The following ANO10 variants were observed in gnomAD, a reference collection of about 807,000 sequenced individuals.
ANO10 encodes the protein anoctamin 10, also known as anoctamin-10.
A neutral mutation model predicts 74.7 loss-of-function variants in ANO10; 77 were observed. The observed-to-expected ratio is 1.03, with a 90% CI of 0.86 to 1.25. The LOEUF (loss-of-function observed/expected upper bound fraction) is 1.25. ANO10 is among the 50% of genes most tolerant of loss of function. The probability of loss-of-function intolerance (pLI) is 0.00; values close to 1 mark genes in which losing one functional copy is unlikely to be tolerated. For missense variants in ANO10, 721 were observed against 778.1 expected (o/e 0.93, Z 0.87); for synonymous variants, 279 against 284.9 (o/e 0.98, Z 0.21).
intron 1 of ANO10, among the ~76,000 whole-genome samples, chr3:43,641,086 T>C (rs1418005542): frequency 2.0e-5 from 3 of 152,212 alleles, no homozygotes; most frequent in African/African-American, 7.2e-5. Flanking sequence ...AAAATAATTA[T>C]TGGAACTAAG....
At chr3:43,391,080 C>A (rs2092262508) in intron 12 of ANO10, among the ~76,000 whole-genome samples, 1 of 152,220 alleles carries the variant, frequency 6.6e-6, no homozygotes, top group Non-Finnish European at 1.5e-5. Context: ...ACTCTCTCTG[C>A]AGCATGTTTT....
At chr3:43,688,524 T>C (rs1222912442) in intron 1 of ANO10, among the ~76,000 whole-genome samples, 1 of 152,218 alleles carries the variant, frequency 6.6e-6, no homozygotes, top group Non-Finnish European at 1.5e-5. Context: ...TATAAGAGCA[T>C]GTGACAGGCT....
Position 43,643,678 on chromosome 3 carries a change from C to CTTTT in ANO10, c.-11-37819_-11-37816dup, listed in dbSNP as rs1310556861. On this transcript the variant is annotated intron_variant, in intron 1 of 3. Transcript: ENST00000413397. The stretch of plus-strand genomic sequence containing the variant: ...AAGCTTTTCATGTACTTGTCCTCAT[C>CTTTT]TTTTCTTTTTTTTTTTTTTTTTTTA... Among the ~76,000 whole-genome samples, 52 of 133,608 alleles carry CTTTT rather than the reference C, an allele frequency of 3.9e-4. 3 individuals carry two copies. The highest frequency in any genetic ancestry group is 1.5e-3 in the African/African-American group (49 of 32,112). 87.7% of individuals were successfully genotyped at this position (133,608 alleles called of 152,430 possible).
At chr3:43,521,976 T>C (rs1228908367) in intron 11 of ANO10, among the ~76,000 whole-genome samples, 3 of 152,192 alleles carry the variant, frequency 2.0e-5, no homozygotes. Context: ...AGGAATGAGG[T>C]TCTGATACAT....
intron 11 of ANO10, among the ~76,000 whole-genome samples, chr3:43,495,089 A>G (rs1021042450): frequency 6.6e-6 from 1 of 152,144 alleles, no homozygotes; most frequent in African/African-American, 2.4e-5. Context: ...TCAGTGAAAT[A>G]GAAGAGAATC....
chr3:43,571,280 C>T (rs1423018132), intron 7 of ANO10, among the ~76,000 whole-genome samples: 10 of 152,100 alleles, frequency 6.6e-5, no homozygotes, highest in Admixed American at 4.6e-4. Flanking sequence ...AGTGTGGCGA[C>T]TCCTCAGGGA....
intron 1 of ANO10, among the ~76,000 whole-genome samples, chr3:43,656,179 A>G (rs2083848703): frequency 6.6e-6 from 1 of 151,142 alleles, no homozygotes; most frequent in Non-Finnish European, 1.5e-5. Context: ...CCTCCCCACC[A>G]GAGCAGCTAG....
intron 9 of ANO10, among the ~76,000 whole-genome samples, chr3:43,557,446 T>G (rs2079804984): frequency 6.6e-6 from 1 of 152,036 alleles, no homozygotes; most frequent in South Asian, 2.1e-4. Flanking sequence ...ATTAAAGACA[T>G]TTTGTTTGGC....
At chr3:43,597,222 G>T (rs1559760118) in intron 4 of ANO10, among the ~76,000 whole-genome samples, 1 of 152,132 alleles carries the variant, frequency 6.6e-6, no homozygotes, top group Non-Finnish European at 1.5e-5. Context: ...CAAGGATCTA[G>T]AACTAGAAAT....
intron 11 of ANO10, among the ~76,000 whole-genome samples, chr3:43,484,642 C>G (rs1185993577): frequency 1.3e-5 from 2 of 152,112 alleles, no homozygotes; most frequent in African/African-American, 4.8e-5. Context: ...TTTTATCAGT[C>G]TAATAATCTC....
At chr3:43,449,515 CTTT>C (rs61265406) in intron 11 of ANO10, among the ~76,000 whole-genome samples, 17 of 107,122 alleles carry the variant, frequency 1.6e-4, no homozygotes, top group African/African-American at 5.8e-4. Context: ...TATCTAGATT[CTTT>C]TTTTTTTTTT....
chr3:43,484,585 TTGGAATTTGCTATC>T (rs1258583232), intron 11 of ANO10, among the ~76,000 whole-genome samples: 1 of 152,184 alleles, frequency 6.6e-6, no homozygotes, highest in Non-Finnish European at 1.5e-5. Flanking sequence ...CAGAATCAGT[TTGGAATTTGCTATC>T]TTATGTGCCA....
At chr3:43,581,757 C>CA (rs2081270098) in intron 4 of ANO10, among the ~76,000 whole-genome samples, 1 of 146,650 alleles carries the variant, frequency 6.8e-6, no homozygotes, top group Non-Finnish European at 1.5e-5. Context: ...TCCATCTCTA[C>CA]AAAAAATTTA....
At position 43,560,438 on chromosome 3, in the gene ANO10, G is replaced by A. The variant is rs572527909; in HGVS notation, c.1476+782C>T. On this transcript the variant is annotated intron_variant, in intron 9 of 12. Transcript: ENST00000292246. ...GTCAGTCAAGACACTCAAAAATCAGGAGATAAACTCATTCAAGATGAAAAA... is the reference window on the plus strand; with the variant it reads ...GTCAGTCAAGACACTCAAAAATCAGAAGATAAACTCATTCAAGATGAAAAA... Among the ~76,000 whole-genome samples the A allele has an allele frequency of 9.9e-5, 15 of 152,274 alleles. No individual in the cohort carries two copies. In the East Asian group the frequency reaches 1.4e-3, roughly 14 times the overall value.
At chr3:43,607,107 T>C (rs1462189148) in intron 1 of ANO10, among the ~76,000 whole-genome samples, 2 of 152,090 alleles carry the variant, frequency 1.3e-5, no homozygotes, top group Non-Finnish European at 2.9e-5. Flanking sequence ...TAAATGCAAA[T>C]ATTCCAAAAT....
At chr3:43,534,895 C>A (rs1159896847) in intron 11 of ANO10, among the ~76,000 whole-genome samples, 2 of 152,122 alleles carry the variant, frequency 1.3e-5, no homozygotes, top group African/African-American at 4.8e-5. Flanking sequence ...CAAGAGATGA[C>A]TTGTACCAGA....
rs556162280 is a variant in ANO10, at chr3:43,413,787, G to A, written c.1914+18824C>T. Among the ~76,000 whole-genome samples, 18 of 151,274 alleles carry A rather than the reference G, an allele frequency of 1.2e-4. 1 individual carries two copies. Among genetic ancestry groups the A allele is most frequent in the Admixed American group, 2.0e-4 (3 of 15,156 alleles). On this transcript the variant is annotated intron_variant, in intron 12 of 12. Transcript: ENST00000292246. Reference sequence around the variant, plus strand: ...ACAAATTGACTGCACGGCTGAATCCGTAACAGGATCTGGATTAGATCTATT... The same window carrying A: ...ACAAATTGACTGCACGGCTGAATCCATAACAGGATCTGGATTAGATCTATT...
chr3:43,605,806 G>T lies in ANO10; in HGVS notation c.47C>A (p.Thr16Lys). The T allele has an allele frequency of 6.2e-7, 1 of 1,613,740 alleles. No homozygotes were observed. Among genetic ancestry groups the T allele is most frequent in the East Asian group, 2.2e-5 (1 of 44,852 alleles). The change falls in exon 2 of 13, where the codon ACA (threonine) becomes AAA (lysine). Residue 16 changes from threonine (T) to lysine (K), a missense_variant. Transcript: ENST00000292246. ...AGCAAGTTCTATGACCACCAAAGGT[G>T]TGAAAGAACTCTCAGAAGTATCCAA... ...SALDTSESSF[T>K]PLVVIELAQD...
chr3:43,551,896 T>C (rs2079479975), intron 10 of ANO10, among the ~76,000 whole-genome samples: 1 of 152,246 alleles, frequency 6.6e-6, no homozygotes, highest in Admixed American at 6.5e-5. Flanking sequence ...ATCTCTGTCT[T>C]TAATTGTTGT....
Sources: gnomAD v4.1 joint callset for allele counts (sites outside exome capture counted in the v4.1 genomes callset) on GRCh38, gnomAD v4.1.1 for gene constraint, MANE v1.5 for transcripts, NCBI Gene and HGNC (gene_info 2026-07-23, HGNC 2026-07-21) for gene names.